The following ATRNL1 variants were observed in gnomAD, a reference collection of about 807,000 sequenced individuals.
The protein encoded by ATRNL1 is attractin-like protein 1.
ATRNL1 carries 95 observed loss-of-function variants against 182.7 expected under a neutral mutation model. That is an observed-to-expected ratio of 0.52 (90% CI 0.44 to 0.62). The LOEUF is 0.62. Among genes scored for constraint, ATRNL1 ranks in the 20% least tolerant of loss-of-function variants. The probability of loss-of-function intolerance (pLI) is 0.00; values close to 1 mark genes in which losing one functional copy is unlikely to be tolerated. For synonymous variants in ATRNL1, 576 were observed against 568.3 expected (o/e 1.01, Z -0.19); for missense variants, 1,471 against 1,679.5 (o/e 0.88, Z 2.17).
At position 115,467,223 on chromosome 10, in the gene ATRNL1, T is replaced by G; in HGVS notation, c.3467T>G (p.Leu1156Arg). Reference protein sequence around the residue: ...ISINASNNFNLNITWSVGSTA... With the variant: ...ISINASNNFNRNITWSVGSTA... ...ATTAATGCATCAAACAACTTTAATC[T>G]CAACATTACGTGGTCTGTCGGTTCA... The change falls in exon 23 of 29, where the codon CTC becomes CGC. Residue 1156 changes from leucine (L) to arginine (R), a missense_variant. Leu to Arg is a moderately radical substitution (Grantham distance 102). Coordinates refer to ENST00000355044, the MANE Select transcript of ATRNL1 (RefSeq NM_207303.4). 1 of 1,604,836 alleles carries G rather than the reference T, an allele frequency of 6.2e-7. No homozygotes were observed. Among genetic ancestry groups the G allele is most frequent in the Non-Finnish European group, 8.5e-7 (1 of 1,174,340 alleles).
chr10:115,829,122 A>G (rs1555092813), intron 27 of ATRNL1, among the ~76,000 whole-genome samples: 3 of 152,104 alleles, frequency 2.0e-5, no homozygotes, highest in African/African-American at 7.3e-5. Context: ...GTGAAGATTT[A>G]TAAAATATTT....
At chr10:115,513,786 G>T (rs116309163) in intron 24 of ATRNL1, among the ~76,000 whole-genome samples, 1,765 of 151,900 alleles carry the variant, frequency 0.012, 29 homozygotes, top group African/African-American at 0.04. Context: ...GAAAGTCTCG[G>T]GTGGAGGAAC....
chr10:115,363,927 T>C (rs1554945069), intron 19 of ATRNL1, among the ~76,000 whole-genome samples: 1 of 151,810 alleles, frequency 6.6e-6, no homozygotes, highest in African/African-American at 2.4e-5. Context: ...TGTAGCCTTG[T>C]AGTATAGTTT....
In ATRNL1 at chr10:115,093,802, G is replaced by C. The variant is rs1225588168; in HGVS notation, c.52G>C (p.Gly18Arg). ...TGGTACCCCGCAGCCAGCGGCCCCG[G>C]GGGTGTGGAGGGCTCGGCCGGCGGG... Reference protein sequence around the residue: ...RTGTPQPAAPGVWRARPAGGG... With the variant: ...RTGTPQPAAPRVWRARPAGGG... The change falls in exon 1 of 29, where the codon GGG becomes CGG. Residue 18 changes from glycine (G) to arginine (R), a missense_variant. Gly to Arg is a moderately radical substitution (Grantham distance 125). Transcript: ENST00000355044. This position sits in a 1 kb window ranked among gnomAD's most constrained non-coding sequence, Gnocchi z 6.1. 7 of 1,470,134 alleles carry C rather than the reference G, an allele frequency of 4.8e-6. No homozygotes were observed. Among genetic ancestry groups the C allele is most frequent in the African/African-American group, 2.9e-5 (2 of 68,272 alleles). 91.1% of individuals were successfully genotyped at this position (1,470,134 alleles called of 1,614,324 possible).
At chr10:115,412,650 A>G (rs1845199865) in intron 20 of ATRNL1, among the ~76,000 whole-genome samples, 1 of 152,182 alleles carries the variant, frequency 6.6e-6, no homozygotes, top group South Asian at 2.1e-4. Flanking sequence ...ACTAGGAAGG[A>G]GATTTCTAGT....
chr10:115,237,623 C>T (rs887065868), intron 9 of ATRNL1, among the ~76,000 whole-genome samples: 17 of 151,968 alleles, frequency 1.1e-4, no homozygotes, highest in African/African-American at 4.1e-4. Flanking sequence ...ATTTGGATAC[C>T]AGTCCTTTAT....
intron 19 of ATRNL1, among the ~76,000 whole-genome samples, chr10:115,394,024 G>T (rs1361435033): frequency 6.6e-6 from 1 of 152,030 alleles, no homozygotes; most frequent in African/African-American, 2.4e-5. Context: ...AAACTTAAAA[G>T]GGTGAATTTA....
intron 26 of ATRNL1, among the ~76,000 whole-genome samples, chr10:115,723,296 G>A (rs1347881760): frequency 3.3e-5 from 5 of 152,148 alleles, no homozygotes; most frequent in Non-Finnish European, 5.9e-5. Flanking sequence ...ACAATTGCAG[G>A]CAGAGTTAGT....
At chr10:115,759,307 G>T (rs2134139809) in intron 27 of ATRNL1, among the ~76,000 whole-genome samples, 1 of 152,272 alleles carries the variant, frequency 6.6e-6, no homozygotes, top group East Asian at 1.9e-4. Context: ...GTTGTTCTAT[G>T]AGAAAACATA....
rs370383165 is a variant in ATRNL1, at chr10:115,761,054, G to A, written c.3903+33699G>A. ...CATGCTGCACAACACAACTAGGGAAGTAAGACTCTGACCTATTTGAGGTAG... is the reference window on the plus strand; with the variant it reads ...CATGCTGCACAACACAACTAGGGAAATAAGACTCTGACCTATTTGAGGTAG... On this transcript the variant is annotated intron_variant, in intron 27 of 28. Transcript: ENST00000355044. Among the ~76,000 whole-genome samples the A allele has an allele frequency of 8.5e-5, 13 of 152,306 alleles. No homozygotes were observed. In the East Asian group the frequency reaches 2.1e-3, roughly 25 times the overall value.
chr10:115,493,713 C>A (rs1453605445), intron 24 of ATRNL1, among the ~76,000 whole-genome samples: 4 of 152,210 alleles, frequency 2.6e-5, no homozygotes, highest in African/African-American at 7.2e-5. Context: ...ACTGGCCAAA[C>A]AAATTTACAT....
intron 20 of ATRNL1, among the ~76,000 whole-genome samples, chr10:115,409,510 G>A (rs897782913): frequency 6.6e-6 from 1 of 152,166 alleles, no homozygotes; most frequent in African/African-American, 2.4e-5. Flanking sequence ...CATGTGATCT[G>A]CAAACAGGAC....
intron 24 of ATRNL1, among the ~76,000 whole-genome samples, chr10:115,476,135 C>T (rs1369533949): frequency 6.6e-6 from 1 of 151,080 alleles, no homozygotes; most frequent in African/African-American, 2.4e-5. Flanking sequence ...TTATTTAGTC[C>T]AAAATATTTC....
intron 19 of ATRNL1, among the ~76,000 whole-genome samples, chr10:115,389,979 G>A (rs1375277575): frequency 6.6e-6 from 1 of 151,710 alleles, no homozygotes; most frequent in East Asian, 1.9e-4. Context: ...ATACCTATTG[G>A]CCATTTGTAT....
At chr10:115,179,654 A>G (rs1454318155) in intron 8 of ATRNL1, among the ~76,000 whole-genome samples, 2 of 152,154 alleles carry the variant, frequency 1.3e-5, no homozygotes, top group Non-Finnish European at 1.5e-5. Flanking sequence ...TTTGACCAAA[A>G]TGATCCTTCA....
intron 20 of ATRNL1, among the ~76,000 whole-genome samples, chr10:115,422,632 A>G (rs1262948465): frequency 1.3e-5 from 2 of 152,204 alleles, no homozygotes; most frequent in African/African-American, 2.4e-5. Flanking sequence ...AGCAATTTCT[A>G]AAAGAACTCA....
chr10:115,504,308 A>G (rs1554980753), intron 24 of ATRNL1, among the ~76,000 whole-genome samples: 1 of 152,046 alleles, frequency 6.6e-6, no homozygotes, highest in East Asian at 1.9e-4. Context: ...ATTCCTCGGT[A>G]TTGGCTGAAC....
chr10:115,582,069 T>C (rs373018021), intron 26 of ATRNL1, among the ~76,000 whole-genome samples: 1 of 151,996 alleles, frequency 6.6e-6, no homozygotes, highest in Non-Finnish European at 1.5e-5. Context: ...ACAAAGGACA[T>C]GAACTCATCA....
Position 115,389,272 on chromosome 10 carries a change from C to T in ATRNL1, c.3176-5387C>T, listed in dbSNP as rs146585403. The stretch of plus-strand genomic sequence containing the variant: ...CTATAATACCAGCACTTTGGGAGGC[C>T]GCGGATGGCGGATCATGAGGTCAGA... On this transcript the variant is annotated intron_variant, in intron 19 of 28. Coordinates refer to ENST00000355044, the MANE Select transcript of ATRNL1 (RefSeq NM_207303.4). Among the ~76,000 whole-genome samples the T allele has an allele frequency of 3.7e-4, 56 of 151,654 alleles. 1 individual carries two copies. The East Asian group carries it at 9.4e-3, about 25-fold the overall frequency.
Sources: gnomAD v4.1 joint callset for allele counts (sites outside exome capture counted in the v4.1 genomes callset) on GRCh38, gnomAD v4.1.1 for gene constraint, Gnocchi (gnomAD v3.1) non-coding constraint, MANE v1.5 for transcripts, NCBI Gene and HGNC (gene_info 2026-07-23, HGNC 2026-07-21) for gene names.